Variants in GRIA3 observed in about 807,000 individuals in gnomAD.
GRIA3 encodes the protein glutamate ionotropic receptor AMPA type subunit 3.
Under a neutral mutation model 63.0 loss-of-function variants are expected in GRIA3, and 3 were observed. The ratio of observed to expected loss-of-function variants is 0.05; its 90% CI spans 0.02 to 0.12. The LOEUF (loss-of-function observed/expected upper bound fraction) is 0.12, where lower values mean the gene tolerates loss of function less well. Among genes scored for constraint, GRIA3 ranks in the 10% least tolerant of loss-of-function variants. The pLI, the probability that GRIA3 is intolerant of heterozygous loss-of-function variation, is 1.00. For synonymous variants in GRIA3, 274 were observed against 257.9 expected (o/e 1.06, Z -0.60); for missense variants, 347 against 700.9 (o/e 0.50, Z 5.70).
chrX:123,344,769 G>A (rs1227125449), intron 4 of GRIA3, among the ~76,000 whole-genome samples: 2 of 111,577 alleles, frequency 1.8e-5, no homozygotes, highest in African/African-American at 6.5e-5. Flanking sequence ...CACCATGGGT[G>A]ATCCCTAAGG....
intron 1 of GRIA3, chrX:123,184,876 A>G: frequency 2.0e-6 from 1 of 487,831 alleles, no homozygotes; most frequent in Non-Finnish European, 3.7e-6. Context: ...TCCTGGGGCT[A>G]GTGGGGGTGA....
intron 2 of GRIA3, among the ~76,000 whole-genome samples, chrX:123,197,643 A>G (rs1927610894): frequency 1.8e-5 from 2 of 112,461 alleles, no homozygotes; most frequent in Admixed American, 9.4e-5. Flanking sequence ...GAAGCTCCTC[A>G]AATTCTATAT....
intron 12 of GRIA3, among the ~76,000 whole-genome samples, chrX:123,455,092 C>A (rs1347043299): frequency 3.6e-5 from 4 of 111,688 alleles, no homozygotes; most frequent in Non-Finnish European, 5.7e-5. Context: ...AATGTCTAGG[C>A]GAAAGGTGAC....
chrX:123,246,848 T>A (rs1357001341), intron 2 of GRIA3, among the ~76,000 whole-genome samples: 1 of 94,343 alleles, frequency 1.1e-5, no homozygotes, highest in Non-Finnish European at 2.1e-5. Flanking sequence ...CACTAAAGAG[T>A]AGAAATTATA....
chrX:123,341,469 T>G (rs1199817313), intron 4 of GRIA3, among the ~76,000 whole-genome samples: 2 of 109,818 alleles, frequency 1.8e-5, no homozygotes, highest in Non-Finnish European at 3.8e-5. Flanking sequence ...TGAGTGAGGC[T>G]AAACCCATCC....
At chrX:123,204,732 G>A in intron 2 of GRIA3, 1 of 737,936 alleles carries the variant, frequency 1.4e-6, no homozygotes. Flanking sequence ...AGGGGAAAAT[G>A]GAAATAGATA....
Position 123,449,369 on chromosome X carries a change from T to G in GRIA3, c.2077-15496T>G, listed in dbSNP as rs1027058056. Among the ~76,000 whole-genome samples the G allele has an allele frequency of 3.6e-5, 4 of 112,602 alleles. No individual in the cohort carries two copies. In the East Asian group the frequency reaches 1.1e-3, roughly 32 times the overall value. On this transcript the variant is annotated intron_variant, in intron 12 of 15. Coordinates refer to ENST00000620443, the MANE Select transcript of GRIA3 (RefSeq NM_007325.5). ...GTAGTTTTATCTGCCATTTTGCATATGGAGACCATTGCCTTGACCCCAATG... is the reference window on the plus strand; with the variant it reads ...GTAGTTTTATCTGCCATTTTGCATAGGGAGACCATTGCCTTGACCCCAATG...
At chrX:123,280,123 A>C (rs1186233466) in intron 3 of GRIA3, among the ~76,000 whole-genome samples, 4 of 111,768 alleles carry the variant, frequency 3.6e-5, no homozygotes, top group African/African-American at 1.3e-4. Flanking sequence ...GAAGATCAGC[A>C]GCTCACACTT....
intron 2 of GRIA3, among the ~76,000 whole-genome samples, chrX:123,228,340 T>C (rs1297214208): frequency 9.0e-6 from 1 of 111,250 alleles, no homozygotes; most frequent in African/African-American, 3.3e-5. Flanking sequence ...AATTGTATTA[T>C]TATACATTTA....
chrX:123,199,077 G>T (rs1473121905), intron 2 of GRIA3, among the ~76,000 whole-genome samples: 1 of 111,017 alleles, frequency 9.0e-6, no homozygotes, highest in Admixed American at 9.6e-5. Context: ...TTTTGATGTT[G>T]CTTGCCTAAG....
Position 123,398,851 on chromosome X carries a change from T to TA in GRIA3, c.1080+54dup, listed in dbSNP as rs773068238. The TA allele has an allele frequency of 1.3e-5, 13 of 1,039,049 alleles. No homozygotes were observed. The East Asian group carries it at 4.0e-4, about 32-fold the overall frequency. The allele number at this position is 1,039,049 out of a possible 1,213,427, so 85.6% of individuals were successfully genotyped here. A position where few individuals can be genotyped will look rare whatever the true frequency, so the allele number is the denominator to read the frequency against. On this transcript the variant is annotated intron_variant, in intron 7 of 15. Coordinates refer to ENST00000620443, the MANE Select transcript of GRIA3 (RefSeq NM_007325.5). ...GGGGTGGAAGAAACTTATAAAGACA[T>TA]AAAAAAGATGAGACCTTGATCTTGA...
intron 3 of GRIA3, 65 bp from the exon 4 acceptor site, chrX:123,325,961 C>T: frequency 1.0e-6 from 1 of 953,416 alleles, no homozygotes; most frequent in Non-Finnish European, 1.5e-6. Flanking sequence ...ACTAGAAATT[C>T]AGTAGAATCT....
At chrX:123,343,719 T>C (rs964408892) in intron 4 of GRIA3, among the ~76,000 whole-genome samples, 3 of 109,345 alleles carry the variant, frequency 2.7e-5, no homozygotes, top group African/African-American at 1.0e-4. Context: ...CACTGTAGCC[T>C]TGACCTCCTA....
At chrX:123,397,185 A>G (rs1404315869) in intron 6 of GRIA3, among the ~76,000 whole-genome samples, 1 of 112,055 alleles carries the variant, frequency 8.9e-6, no homozygotes, top group East Asian at 2.8e-4. Flanking sequence ...CCTTTAAATA[A>G]CTTTAAAAAA....
At chrX:123,308,779 C>T (rs1389463932) in intron 3 of GRIA3, among the ~76,000 whole-genome samples, 1 of 112,034 alleles carries the variant, frequency 8.9e-6, no homozygotes, top group Admixed American at 9.5e-5. Flanking sequence ...GCTGCTGCCG[C>T]CACATCACTC....
Position 123,197,959 on chromosome X carries a change from C to T in GRIA3, c.268+11969C>T, listed in dbSNP as rs371611610. Among the ~76,000 whole-genome samples, 21 of 112,356 alleles carry T rather than the reference C, an allele frequency of 1.9e-4. No homozygotes were observed. The South Asian group carries it at 7.9e-3, about 42-fold the overall frequency. ...GAGCAGTGCCAGGGCCATCAGTGAG[C>T]TTTCTTCGTGGGCCCTGGAGTCAAG... On this transcript the variant is annotated intron_variant, in intron 2 of 15. Coordinates refer to ENST00000620443, the MANE Select transcript of GRIA3 (RefSeq NM_007325.5).
At chrX:123,297,660 A>AT (rs772097912) in intron 3 of GRIA3, among the ~76,000 whole-genome samples, 114 of 111,797 alleles carry the variant, frequency 1.0e-3, no homozygotes, top group African/African-American at 3.3e-3. Flanking sequence ...CTCTAAAGTA[A>AT]AATGGTCTGA....
Position 123,403,589 on chromosome X carries a change from C to T in GRIA3, c.1293+70C>T, listed in dbSNP as rs73630709. The T allele has an allele frequency of 1.7e-3, 1,206 of 693,480 alleles. 12 individuals are homozygous for T. The African/African-American group carries it at 0.02, about 12-fold the overall frequency. The allele number at this position is 693,480 out of a possible 1,213,427, so 57.2% of individuals were successfully genotyped here. The stretch of plus-strand genomic sequence containing the variant: ...TTCCGTTTTCTGAAAAGTATTTTTC[C>T]ACCAGTAGAAAAGACCTCAAGTTCA... On this transcript the variant is annotated intron_variant, in intron 9 of 15. Coordinates refer to ENST00000620443, the MANE Select transcript of GRIA3 (RefSeq NM_007325.5).
At chrX:123,354,317 C>T (rs2147349860) in intron 4 of GRIA3, among the ~76,000 whole-genome samples, 1 of 111,738 alleles carries the variant, frequency 8.9e-6, no homozygotes, top group East Asian at 2.8e-4. Context: ...CGAGAGGAAT[C>T]CCTCCTCAGT....
Sources: allele counts gnomAD v4.1 joint callset (sites outside exome capture counted in the v4.1 genomes callset), GRCh38; gene constraint gnomAD v4.1.1; transcripts MANE v1.5; gene names NCBI Gene and HGNC (gene_info 2026-07-23, HGNC 2026-07-21).